Variants in SATB1 observed in about 807,000 individuals in gnomAD.
SATB1 encodes the protein DNA-binding protein SATB1.
Under a neutral mutation model 86.9 loss-of-function variants are expected in SATB1, and 11 were observed. The ratio of observed to expected loss-of-function variants is 0.13; its 90% CI spans 0.08 to 0.21. SATB1 has a LOEUF of 0.21. Among genes scored for constraint, SATB1 ranks in the 10% least tolerant of loss-of-function variants. The pLI is 1.00. For synonymous variants in SATB1, 357 were observed against 357.2 expected, an observed-to-expected ratio of 1.00 and a Z score of 0.01; for missense variants, 551 against 937.6, an observed-to-expected ratio of 0.59 and a Z score of 5.39.
Position 18,417,781 on chromosome 3 carries a change from A to ACATCTTTCTACATGTG in SATB1, c.212-704_212-703insCACATGTAGAAAGATG. 3 of 623,964 alleles carry ACATCTTTCTACATGTG rather than the reference A, an allele frequency of 4.8e-6. No homozygotes were observed. In the Admixed American group the frequency reaches 8.8e-5, roughly 18 times the overall value. The allele number at this position is 623,964 out of a possible 1,614,324, so 38.7% of individuals were successfully genotyped here. A position where few individuals can be genotyped will look rare whatever the true frequency, so the allele number is the denominator to read the frequency against. On this transcript the variant is annotated intron_variant, in intron 2 of 10. Transcript: ENST00000338745. ...ACTAAAAAGAGAGCACGGTACCCAT[A>ACATCTTTCTACATGTG]AGTCTTTAAAATCAACAATCTTTGT...
rs1317221827 is a variant in SATB1, at chr3:18,425,255, C to CCCGG, written c.-1657_-1654dup. 1.9e-4 allele frequency: 29 copies of CCCGG among 154,804 alleles called. No individual in the cohort carries two copies. Among genetic ancestry groups the CCCGG allele is most frequent in the South Asian group, 5.2e-4 (3 of 5,716 alleles). 9.6% of individuals were successfully genotyped at this position (154,804 alleles called of 1,614,324 possible). A position where few individuals can be genotyped will look rare whatever the true frequency, so the allele number is the denominator to read the frequency against. ...CCCAGCCCCGAGCACGCAGCCTCCT[C>CCCGG]CCGGCCGCCCGCCGCCGCCCGGAGC... On this transcript the variant is annotated 5_prime_UTR_variant, in exon 1 of 11. An upstream open reading frame in the 5' UTR loses its in-frame stop. Transcript: ENST00000338745.
At chr3:18,415,394 A>G (rs1004869840) in intron 4 of SATB1, among the ~76,000 whole-genome samples, 160 bp from the exon 5 acceptor site, 4 of 152,112 alleles carry the variant, frequency 2.6e-5, no homozygotes, top group Non-Finnish European at 5.9e-5. Context: ...TACTTTATAC[A>G]ACACATCTGC....
At chr3:18,415,378 G>C in intron 4 of SATB1, 144 bp from the exon 5 acceptor site, 1 of 895,700 alleles carries the variant, frequency 1.1e-6, no homozygotes, top group South Asian at 1.7e-5. Flanking sequence ...GTTCCGATTA[G>C]TTAATTACTT....
chr3:18,443,620 G>T (rs1186613719), upstream of SATB1, among the ~76,000 whole-genome samples: 1 of 152,190 alleles, frequency 6.6e-6, no homozygotes, highest in African/African-American at 2.4e-5. The surrounding 1 kb of genome is among the most constrained non-coding windows in gnomAD (Gnocchi z 4.4). Flanking sequence ...AGAGGAAACT[G>T]CGTTTCCCCA....
At position 18,352,357 on chromosome 3, in the gene SATB1, C is replaced by A. The variant is rs147118945; in HGVS notation, c.1576-162G>T. The A allele has an allele frequency of 1.2e-3, 759 of 607,300 alleles. 1 individual carries two copies. Among genetic ancestry groups the A allele is most frequent in the Non-Finnish European group, 1.9e-3 (650 of 348,166 alleles). The allele number at this position is 607,300 out of a possible 1,614,324, so 37.6% of individuals were successfully genotyped here. ...TTTTTAACTTGTTAAGAGAGGTTAT[C>A]TGTGGCTGTCAAGGAGGCAGACTCT... On this transcript the variant is annotated intron_variant, in intron 9 of 10. Coordinates refer to ENST00000338745, the MANE Select transcript of SATB1 (RefSeq NM_002971.6). This position sits in a 1 kb window ranked among gnomAD's most constrained non-coding sequence, Gnocchi z 4.1.
intron 5 of SATB1, among the ~76,000 whole-genome samples, chr3:18,401,824 G>A (rs1185339635): frequency 6.6e-6 from 1 of 152,056 alleles, no homozygotes; most frequent in Non-Finnish European, 1.5e-5. Context: ...GAGGAGCTTC[G>A]GTTCTTTCTG....
chr3:18,391,263 C>T (rs1420597184), intron 7 of SATB1, among the ~76,000 whole-genome samples: 1 of 152,100 alleles, frequency 6.6e-6, no homozygotes, highest in Non-Finnish European at 1.5e-5. Context: ...TAAAATAACC[C>T]TCAATTCATA....
At chr3:18,418,595 C>T (rs745725688) in intron 2 of SATB1, among the ~76,000 whole-genome samples, 1 of 152,144 alleles carries the variant, frequency 6.6e-6, no homozygotes, top group Non-Finnish European at 1.5e-5. Context: ...CTTGGGGAGA[C>T]CACAGCAAAA....
chr3:18,400,390 G>A (rs1425830488), intron 5 of SATB1, among the ~76,000 whole-genome samples: 2 of 152,166 alleles, frequency 1.3e-5, no homozygotes, highest in Non-Finnish European at 2.9e-5. Flanking sequence ...GTGAGGATGT[G>A]TCACACACTG....
chr3:18,377,880 A>T (rs1474411451), intron 9 of SATB1, among the ~76,000 whole-genome samples: 1 of 152,190 alleles, frequency 6.6e-6, no homozygotes, highest in Non-Finnish European at 1.5e-5. Flanking sequence ...ACTACAATAG[A>T]CCAGACTGAG....
intron 5 of SATB1, chr3:18,409,653 A>T (rs1301819748): frequency 6.6e-6 from 1 of 152,066 alleles, no homozygotes; most frequent in Non-Finnish European, 1.5e-5. Context: ...AGATATTTAT[A>T]ATCTAAGATT....
intron 5 of SATB1, among the ~76,000 whole-genome samples, chr3:18,404,709 T>C (rs1359822449): frequency 6.6e-6 from 1 of 152,082 alleles, no homozygotes; most frequent in East Asian, 1.9e-4. Context: ...ACTTACATAA[T>C]GCCCAGATAG....
intron 2 of SATB1, among the ~76,000 whole-genome samples, chr3:18,434,096 ATTC>A (rs1278567715): frequency 1.3e-5 from 2 of 152,140 alleles, no homozygotes; most frequent in African/African-American, 2.4e-5. Flanking sequence ...AATATCCACT[ATTC>A]TTCTATTACT....
chr3:18,366,453 C>A (rs913011065), intron 9 of SATB1, among the ~76,000 whole-genome samples: 27 of 151,812 alleles, frequency 1.8e-4, no homozygotes, highest in Non-Finnish European at 4.4e-5. Flanking sequence ...ATCAATCAAT[C>A]AATCAATCAA....
chr3:18,422,860 C>T (rs1432527216), intron 1 of SATB1, among the ~76,000 whole-genome samples: 1 of 152,104 alleles, frequency 6.6e-6, no homozygotes, highest in Non-Finnish European at 1.5e-5. Flanking sequence ...CTTAACAACA[C>T]TAGAAACTGT....
upstream of SATB1, among the ~76,000 whole-genome samples, chr3:18,442,616 TTAAAG>T (rs1699270544): frequency 1.3e-5 from 2 of 152,206 alleles, no homozygotes; most frequent in African/African-American, 2.4e-5. Flanking sequence ...ACCAAGTTAA[TTAAAG>T]TATTTATGTC....
At position 18,417,857 on chromosome 3, in the gene SATB1, G is replaced by A. The variant is rs190838781; in HGVS notation, c.212-779C>T. Among the ~76,000 whole-genome samples, 6 of 152,128 alleles carry A rather than the reference G, an allele frequency of 3.9e-5. No individual in the cohort carries two copies. In the East Asian group the frequency reaches 1.2e-3, roughly 29 times the overall value. On this transcript the variant is annotated intron_variant, in intron 2 of 10. Coordinates refer to ENST00000338745, the MANE Select transcript of SATB1 (RefSeq NM_002971.6). ...GATAGAAAAGGAAACTGACATACTA[G>A]GATAAAGGAATCTGCATAGATTTGG...
At chr3:18,405,662 G>A (rs1697494751) in intron 5 of SATB1, among the ~76,000 whole-genome samples, 1 of 151,812 alleles carries the variant, frequency 6.6e-6, no homozygotes, top group Admixed American at 6.6e-5. Context: ...ACTAACTCTG[G>A]AAATTACATA....
In SATB1 at chr3:18,352,860, T is replaced by C. The variant is rs577151202; in HGVS notation, c.1576-665A>G. 3.9e-5 allele frequency: 6 copies of C among 152,616 alleles called. No homozygotes were observed. In the South Asian group the frequency reaches 1.0e-3, roughly 26 times the overall value. The allele number at this position is 152,616 out of a possible 1,614,324, so 9.5% of individuals were successfully genotyped here. A position where few individuals can be genotyped will look rare whatever the true frequency, so the allele number is the denominator to read the frequency against. ...TATGATTTGTCAGGCAAGAATTTAA[T>C]AGGTTTCTTGGGCTAAGAGAGAAGG... On this transcript the variant is annotated intron_variant, in intron 9 of 10. Transcript: ENST00000338745. The surrounding 1 kb of genome is among the most constrained non-coding windows in gnomAD (Gnocchi z 4.1).
Sources: allele counts gnomAD v4.1 joint callset (sites outside exome capture counted in the v4.1 genomes callset), GRCh38; gene constraint gnomAD v4.1.1; non-coding constraint Gnocchi (gnomAD v3.1); transcripts MANE v1.5; gene names NCBI Gene and HGNC (gene_info 2026-07-23, HGNC 2026-07-21).